Variants in BCAS3 observed in about 807,000 individuals in gnomAD.
BCAS3 encodes BCAS3 microtubule associated cell migration factor.
BCAS3 carries 53 observed loss-of-function variants against 116.1 expected under a neutral mutation model. That is an observed-to-expected ratio of 0.46 (90% CI 0.37 to 0.57). The LOEUF is 0.57. Ranked by LOEUF, BCAS3 falls within the 20% of genes least tolerant of loss-of-function variation. BCAS3 has a pLI of 0.00. For missense variants in BCAS3, 917 were observed against 1,165.4 expected, an observed-to-expected ratio of 0.79 and a Z score of 3.10; for synonymous variants, 391 against 408.2, an observed-to-expected ratio of 0.96 and a Z score of 0.51.
chr17:61,209,197 A>T lies in BCAS3; in HGVS notation c.2425+124633A>T, dbSNP rs986742904. Among the ~76,000 whole-genome samples the T allele has an allele frequency of 2.9e-3, 420 of 143,778 alleles. 3 individuals are homozygous for T. Among genetic ancestry groups the T allele is most frequent in the African/African-American group, 9.9e-3 (394 of 39,672 alleles). 94.3% of individuals were successfully genotyped at this position (143,778 alleles called of 152,430 possible). A position where few individuals can be genotyped will look rare whatever the true frequency, so the allele number is the denominator to read the frequency against. ...AACAGCTAGTGAAAAAAAAAAAAAAATCTTGTTCTGATAACGTCTTTTCCC... is the reference window on the plus strand; with the variant it reads ...AACAGCTAGTGAAAAAAAAAAAAAATTCTTGTTCTGATAACGTCTTTTCCC... On this transcript the variant is annotated intron_variant, in intron 22 of 23. Transcript: ENST00000407086.
chr17:61,239,735 A>G lies in BCAS3; in HGVS notation c.2426-128592A>G, dbSNP rs2083318575. ...AATTAAGAACTTAAAGATTTTAATC[A>G]AGATAATCCTAAAATGTCTTAAGGT... On this transcript the variant is annotated intron_variant, in intron 22 of 23. Coordinates refer to ENST00000407086, the MANE Select transcript of BCAS3 (RefSeq NM_017679.5). This position sits in a 1 kb window ranked among gnomAD's most constrained non-coding sequence, Gnocchi z 4.2. Among the ~76,000 whole-genome samples the G allele has an allele frequency of 6.6e-6, 1 of 152,238 alleles. No homozygotes were observed.
intron 22 of BCAS3, among the ~76,000 whole-genome samples, chr17:61,263,598 A>G (rs753709466): frequency 6.6e-6 from 1 of 152,184 alleles, no homozygotes; most frequent in Non-Finnish European, 1.5e-5. Context: ...TTTTCATAGT[A>G]TTTTTCAAGG....
At chr17:60,802,065 T>C (rs1369567041) in intron 6 of BCAS3, among the ~76,000 whole-genome samples, 1 of 151,974 alleles carries the variant, frequency 6.6e-6, no homozygotes. Context: ...CCCAGCACTT[T>C]GTGAGGCCAA....
rs2083024603 is a variant in BCAS3, at chr17:61,235,964, A to G, written c.2426-132363A>G. On this transcript the variant is annotated intron_variant, in intron 22 of 23. Coordinates refer to ENST00000407086, the MANE Select transcript of BCAS3 (RefSeq NM_017679.5). The surrounding 1 kb of genome is among the most constrained non-coding windows in gnomAD (Gnocchi z 5.0). The stretch of plus-strand genomic sequence containing the variant: ...TCAAACAAAGGCTGATTATCCAAAC[A>G]AGAATTTGGACTGCAGCAGTCGGAC... Among the ~76,000 whole-genome samples, 1 of 152,216 alleles carries G rather than the reference A, an allele frequency of 6.6e-6. No individual in the cohort carries two copies. The highest frequency in any genetic ancestry group is 1.5e-5 in the Non-Finnish European group (1 of 68,040).
At chr17:60,977,302 C>T (rs1203093941) in intron 14 of BCAS3, among the ~76,000 whole-genome samples, 4 of 152,140 alleles carry the variant, frequency 2.6e-5, no homozygotes, top group African/African-American at 9.7e-5. Flanking sequence ...ACCTCAGCCT[C>T]CCAAGTGATT....
rs575523370 is a variant in BCAS3, at chr17:61,097,036, A to G, written c.2425+12472A>G. On this transcript the variant is annotated intron_variant, in intron 22 of 23. Coordinates refer to ENST00000407086, the MANE Select transcript of BCAS3 (RefSeq NM_017679.5). The surrounding 1 kb of genome is among the most constrained non-coding windows in gnomAD (Gnocchi z 4.0). Reference sequence around the variant, plus strand: ...CAAAGTTAATGAAAGACATAAGTCAAAGTTTTAAGAAACTCAGTGTATGCT... The same window carrying G: ...CAAAGTTAATGAAAGACATAAGTCAGAGTTTTAAGAAACTCAGTGTATGCT... Among the ~76,000 whole-genome samples the G allele has an allele frequency of 1.2e-4, 18 of 152,362 alleles. No individual in the cohort carries two copies. Among genetic ancestry groups the G allele is most frequent in the Non-Finnish European group, 2.2e-4 (15 of 68,034 alleles).
intron 22 of BCAS3, among the ~76,000 whole-genome samples, chr17:61,275,617 T>C (rs146806673): frequency 4.6e-5 from 7 of 152,154 alleles, no homozygotes; most frequent in African/African-American, 7.2e-5. Context: ...TTAGCCTTGA[T>C]AAAATGGTTG....
chr17:60,880,907 CA>C (rs1373837584), intron 9 of BCAS3, among the ~76,000 whole-genome samples: 1 of 151,786 alleles, frequency 6.6e-6, no homozygotes, highest in Non-Finnish European at 1.5e-5. Flanking sequence ...TATCTTTTTG[CA>C]AAAAATGTTC....
At chr17:61,086,652 G>A (rs922470798) in intron 22 of BCAS3, 71 of 984,128 alleles carry the variant, frequency 7.2e-5, no homozygotes, top group Non-Finnish European at 8.4e-5. Context: ...CATCTTTTGA[G>A]TAGGAAAGAA....
Position 61,114,302 on chromosome 17 carries a change from C to T in BCAS3, c.2425+29738C>T, listed in dbSNP as rs201474840. 3.7e-4 allele frequency among the ~76,000 whole-genome samples: 54 copies of T among 145,646 alleles called. 1 individual carries two copies. The East Asian group carries it at 1.0e-2, about 27-fold the overall frequency. On this transcript the variant is annotated intron_variant, in intron 22 of 23. Transcript: ENST00000407086. Reference sequence around the variant, plus strand: ...TAGGAAAAGAGGAAGTCAAATTGTCCGTGTTTGCAGATGACATGATTGTAT... The same window carrying T: ...TAGGAAAAGAGGAAGTCAAATTGTCTGTGTTTGCAGATGACATGATTGTAT...
intron 19 of BCAS3, chr17:61,070,327 A>C (rs2071237310): frequency 1.1e-6 from 1 of 933,992 alleles, no homozygotes; most frequent in Non-Finnish European, 1.7e-6. Flanking sequence ...TGCCAACAAA[A>C]TTGGGATCAT....
chr17:61,109,091 C>T (rs2074877651), intron 22 of BCAS3, among the ~76,000 whole-genome samples: 1 of 150,384 alleles, frequency 6.6e-6, no homozygotes. Flanking sequence ...GAGGCTGAGG[C>T]ATGAGAATCA....
rs538600821 is a variant in BCAS3 at position 61,074,928 on chromosome 17, C to T, written c.2038C>T (p.Pro680Ser). ...TTTTCTTTCTCCTATAGTGGTTCCC[C>T]CTGGAAGTCCTGGGCCCATTACTCG... Reference protein sequence around the residue: ...YQFLLAGLVPPGSPGPITRHG... With the variant: ...YQFLLAGLVPSGSPGPITRHG... The change falls in exon 20 of 24, where the codon CCT becomes TCT. Residue 680 changes from proline to serine, a missense_variant. By Grantham distance (74) the Pro-to-Ser change is moderately conservative. Transcript: ENST00000407086. 37 of 1,610,566 alleles carry T rather than the reference C, an allele frequency of 2.3e-5. 1 individual carries two copies. The South Asian group carries it at 4.1e-4, about 18-fold the overall frequency.
rs1245928798 is a variant in BCAS3 at position 60,874,728 on chromosome 17, C to T, written c.651C>T (p.Phe217=). 1 of 1,608,636 alleles carries T rather than the reference C, an allele frequency of 6.2e-7. No individual in the cohort carries two copies. Among genetic ancestry groups the T allele is most frequent in the Non-Finnish European group, 8.5e-7 (1 of 1,176,972 alleles). The change falls in exon 9 of 24, where the codon TTC becomes TTT. Residue 217 remains phenylalanine (F), a synonymous_variant. Coordinates refer to ENST00000407086, the MANE Select transcript of BCAS3 (RefSeq NM_017679.5). ...AFDSCTFTKK[F]FVTSCYPCPG... ...ATAGCTGTACTTTCACGAAGAAATT[C>T]TTTGTTACAAGTATGTACCAATTTT...
At chr17:60,814,489 A>G (rs2049185277) in intron 7 of BCAS3, among the ~76,000 whole-genome samples, 1 of 152,032 alleles carries the variant, frequency 6.6e-6, no homozygotes, top group East Asian at 1.9e-4. Context: ...TAGGTATATA[A>G]TCATATTGCC....
chr17:61,088,511 C>A lies in BCAS3; in HGVS notation c.2425+3947C>A, dbSNP rs146006244. Among the ~76,000 whole-genome samples, 1 of 152,320 alleles carries A rather than the reference C, an allele frequency of 6.6e-6. No individual in the cohort carries two copies. Among genetic ancestry groups the A allele is most frequent in the African/African-American group, 2.4e-5 (1 of 41,570 alleles). On this transcript the variant is annotated intron_variant, in intron 22 of 23. Coordinates refer to ENST00000407086, the MANE Select transcript of BCAS3 (RefSeq NM_017679.5). This position sits in a 1 kb window ranked among gnomAD's most constrained non-coding sequence, Gnocchi z 4.2. ...TCTTTCTATTCTTTGTACCTTATAA[C>A]CTGTGCCCTTCTTTTGATAAAGATG...
At chr17:61,069,440 A>G (rs555163802) in intron 19 of BCAS3, among the ~76,000 whole-genome samples, 4 of 152,354 alleles carry the variant, frequency 2.6e-5, no homozygotes, top group African/African-American at 9.6e-5. Flanking sequence ...TTGAGTGCAC[A>G]GATTTTTAAA....
chr17:61,007,955 G>T lies in BCAS3; in HGVS notation c.1487-7796G>T, dbSNP rs569207832. On this transcript the variant is annotated intron_variant, in intron 15 of 23. Transcript: ENST00000407086. This position sits in a 1 kb window ranked among gnomAD's most constrained non-coding sequence, Gnocchi z 4.3. Reference sequence around the variant, plus strand: ...GCAAAATGAATCAGTGCCCACACAGGATTGTCCTTCAGTATTTTCTGTCTT... The same window carrying T: ...GCAAAATGAATCAGTGCCCACACAGTATTGTCCTTCAGTATTTTCTGTCTT... Among the ~76,000 whole-genome samples the T allele has an allele frequency of 6.6e-6, 1 of 152,116 alleles. No homozygotes were observed. Among genetic ancestry groups the T allele is most frequent in the East Asian group, 1.9e-4 (1 of 5,166 alleles).
chr17:61,288,991 G>A lies in BCAS3; in HGVS notation c.2426-79336G>A, dbSNP rs74491578. Among the ~76,000 whole-genome samples, 1,307 of 152,368 alleles carry A rather than the reference G, an allele frequency of 8.6e-3. 7 individuals are homozygous for A. The highest frequency in any genetic ancestry group is 0.014 in the Non-Finnish European group (932 of 68,038). ...TAAAATGACCCGTCCCATTCGGGAA[G>A]GGCCGCGCAGGCCTAATGGCCCCTC... On this transcript the variant is annotated intron_variant, in intron 22 of 23. Coordinates refer to ENST00000407086, the MANE Select transcript of BCAS3 (RefSeq NM_017679.5).
Sources: gnomAD v4.1 joint callset for allele counts (sites outside exome capture counted in the v4.1 genomes callset) on GRCh38, gnomAD v4.1.1 for gene constraint, Gnocchi (gnomAD v3.1) non-coding constraint, MANE v1.5 for transcripts, NCBI Gene and HGNC (gene_info 2026-07-23, HGNC 2026-07-21) for gene names.